Variants in SI observed in about 807,000 individuals in gnomAD.
The protein encoded by SI is sucrase-isomaltase, also known as sucrase-isomaltase, intestinal.
In SI, 235 loss-of-function variants were observed where a neutral mutation model predicts 253.3. That is an observed-to-expected ratio of 0.93 (90% CI 0.83 to 1.03). The LOEUF (loss-of-function observed/expected upper bound fraction) is 1.03. Ranked by LOEUF, SI falls within the 50% of genes least tolerant of loss-of-function variation. The pLI is 0.00. For missense variants in SI, 2,442 were observed against 2,211.1 expected, an observed-to-expected ratio of 1.10 and a Z score of -2.09; for synonymous variants, 819 against 712.0, an observed-to-expected ratio of 1.15 and a Z score of -2.39.
chr3:165,003,698 T>G (rs1718364079), intron 37 of SI, among the ~76,000 whole-genome samples: 1 of 152,098 alleles, frequency 6.6e-6, no homozygotes, highest in African/African-American at 2.4e-5. Context: ...TCATTAGAAC[T>G]GCCTGGAAAG....
the SI span, among the ~76,000 whole-genome samples, chr3:165,087,455 C>A: frequency 1.1e-4 from 16 of 152,134 alleles, no homozygotes; most frequent in Non-Finnish European, 2.2e-4. Context: ...CAAGGGTCAG[C>A]AGATATCCAG....
At chr3:165,068,185 C>T (rs1381230872) in intron 5 of SI, among the ~76,000 whole-genome samples, 2 of 151,940 alleles carry the variant, frequency 1.3e-5, no homozygotes, top group African/African-American at 4.8e-5. Context: ...TTCTGCATAG[C>T]CTGTAGTTTA....
In SI at chr3:165,063,452, G is replaced by T; in HGVS notation, c.897C>A (p.Ser299Arg). The change falls in exon 8 of 48, where the codon AGC becomes AGA. Residue 299 changes from serine to arginine, a missense_variant. Coordinates refer to ENST00000264382, the MANE Select transcript of SI (RefSeq NM_001041.4). ...ATGAATTATTCTTACCCATTGCATT[G>T]CTATTCATTAAAAAAACACCGAATG... ...GKSFGVFLMN[S>R]NAMEIFIQPT... is the part of the protein sequence containing the mutation. The T allele has an allele frequency of 7.0e-7, 1 of 1,429,332 alleles. No individual in the cohort carries two copies. Among genetic ancestry groups the T allele is most frequent in the Non-Finnish European group, 9.8e-7 (1 of 1,015,252 alleles). 88.5% of individuals were successfully genotyped at this position (1,429,332 alleles called of 1,614,324 possible).
In SI at chr3:165,075,980, G is replaced by C. The variant is rs2108117951; in HGVS notation, c.33C>G (p.Ile11Met). 1 of 1,591,904 alleles carries C rather than the reference G, an allele frequency of 6.3e-7. No individual in the cohort carries two copies. Among genetic ancestry groups the C allele is most frequent in the Non-Finnish European group, 8.6e-7 (1 of 1,164,562 alleles). ...CTATGACAAAAAGGACAATCAGAGAGATTTCCAATCCACTAAATTTCTTTC... is the reference window on the plus strand; with the variant it reads ...CTATGACAAAAAGGACAATCAGAGACATTTCCAATCCACTAAATTTCTTTC... MARKKFSGLE[I>M]SLIVLFVIVT... Residue 11 changes from isoleucine to methionine, a missense_variant, in exon 2 of 48, where the codon ATC becomes ATG. By Grantham distance (10) the Ile-to-Met change is conservative (BLOSUM62 1). Coordinates refer to ENST00000264382, the MANE Select transcript of SI (RefSeq NM_001041.4).
At chr3:165,019,014 A>AT (rs943540804) in intron 28 of SI, among the ~76,000 whole-genome samples, 1 of 151,782 alleles carries the variant, frequency 6.6e-6, no homozygotes, top group Non-Finnish European at 1.5e-5. Flanking sequence ...ATTAAAATAT[A>AT]TTTTTTATGA....
intron 16 of SI, among the ~76,000 whole-genome samples, chr3:165,044,925 G>T (rs1190090154): frequency 6.6e-6 from 1 of 151,950 alleles, no homozygotes; most frequent in Non-Finnish European, 1.5e-5. Flanking sequence ...TGTTTATTGT[G>T]CATGGTGTGA....
intron 26 of SI, among the ~76,000 whole-genome samples, chr3:165,022,309 A>G (rs1711665373): frequency 6.6e-6 from 1 of 151,474 alleles, no homozygotes; most frequent in Non-Finnish European, 1.5e-5. Context: ...ACGCCTTTTT[A>G]TCTGTGGCTT....
At chr3:165,072,408 A>G (rs1714641836) in intron 3 of SI, among the ~76,000 whole-genome samples, 1 of 151,966 alleles carries the variant, frequency 6.6e-6, no homozygotes, top group African/African-American at 2.4e-5. Flanking sequence ...ATACATAGCT[A>G]TAAATAACAA....
intron 23 of SI, 69 bp from the exon 24 acceptor site, chr3:165,032,761 A>C: frequency 9.7e-7 from 1 of 1,034,794 alleles, no homozygotes; most frequent in South Asian, 1.4e-5. Context: ...CAATACCGAT[A>C]AGAAATAGCA....
intron 25 of SI, among the ~76,000 whole-genome samples, chr3:165,029,700 G>A (rs146021709): frequency 6.7e-6 from 1 of 148,294 alleles, no homozygotes; most frequent in Admixed American, 6.8e-5. Flanking sequence ...ATGTTTAGAA[G>A]ATATTTATTC....
intron 15 of SI, among the ~76,000 whole-genome samples, chr3:165,048,007 A>G (rs1386465670): frequency 2.0e-5 from 3 of 152,074 alleles, no homozygotes; most frequent in African/African-American, 7.2e-5. Context: ...ATATTGAAAC[A>G]TAGCCTGTTT....
chr3:164,998,696 T>C (rs1002417618), intron 37 of SI, 23 bp from the exon 38 acceptor site: 3 of 1,602,810 alleles, frequency 1.9e-6, no homozygotes, highest in South Asian at 2.2e-5. Flanking sequence ...AGAAGTATTT[T>C]TGAGTTTTTA....
At chr3:164,989,373 G>GA (rs1338281069) in intron 44 of SI, among the ~76,000 whole-genome samples, 2 of 120,610 alleles carry the variant, frequency 1.7e-5, no homozygotes, top group African/African-American at 6.8e-5. Context: ...AGAAAGAAAG[G>GA]AAGAAAGAAA....
intron 3 of SI, among the ~76,000 whole-genome samples, chr3:165,072,429 A>T (rs968303651): frequency 2.0e-5 from 3 of 151,904 alleles, no homozygotes; most frequent in African/African-American, 7.2e-5. Context: ...CAACAACAAC[A>T]AAAAACCCTG....
At chr3:165,084,009 C>T in the SI span, among the ~76,000 whole-genome samples, 1 of 151,952 alleles carries the variant, frequency 6.6e-6, no homozygotes, top group Non-Finnish European at 1.5e-5. Flanking sequence ...TGAAGGTTTA[C>T]ATCCCCTCCA....
In SI at chr3:164,994,245, C is replaced by G. The variant is rs1342726134; in HGVS notation, c.4841+12G>C. On this transcript the variant is annotated intron_variant, in intron 41 of 47. Coordinates refer to ENST00000264382, the MANE Select transcript of SI (RefSeq NM_001041.4). Reference sequence around the variant, plus strand: ...TCTCTCTGTGATAAGAGAAAACAAACTTTGTACTTACTCATGCAAAAGGGG... The same window carrying G: ...TCTCTCTGTGATAAGAGAAAACAAAGTTTGTACTTACTCATGCAAAAGGGG... 2.5e-6 allele frequency: 4 copies of G among 1,608,544 alleles called. No individual in the cohort carries two copies. The highest frequency in any genetic ancestry group is 3.4e-6 in the Non-Finnish European group (4 of 1,176,338).
rs765800369 is a variant in SI, at chr3:165,062,409, C to T, written c.982G>A (p.Gly328Arg). The T allele has an allele frequency of 2.5e-6, 4 of 1,600,930 alleles. No individual in the cohort carries two copies. The South Asian group carries it at 3.3e-5, about 13-fold the overall frequency. The change falls in exon 9 of 48, where the codon GGA becomes AGA. Residue 328 changes from glycine (G) to arginine (R), a missense_variant. Physicochemically the swap from Gly to Arg is moderately radical, Grantham distance 125. Coordinates refer to ENST00000264382, the MANE Select transcript of SI (RefSeq NM_001041.4). ...TGAACTACTTGTTCTGGTGTATCTCCTAGAAGGATGTAAAAATCCAGAATG... is the reference window on the plus strand; with the variant it reads ...TGAACTACTTGTTCTGGTGTATCTCTTAGAAGGATGTAAAAATCCAGAATG... ...GGILDFYILL[G>R]DTPEQVVQQY...
rs765331066 is a variant in SI at position 165,075,979 on chromosome 3, A to G, written c.34T>C (p.Ser12Pro). Residue 12 changes from serine to proline, a missense_variant, in exon 2 of 48, where the codon TCT becomes CCT. Coordinates refer to ENST00000264382, the MANE Select transcript of SI (RefSeq NM_001041.4). ...ARKKFSGLEI[S>P]LIVLFVIVTI... ...ACTATGACAAAAAGGACAATCAGAG[A>G]GATTTCCAATCCACTAAATTTCTTT... The G allele has an allele frequency of 6.3e-7, 1 of 1,593,768 alleles. No homozygotes were observed. Among genetic ancestry groups the G allele is most frequent in the East Asian group, 2.2e-5 (1 of 44,494 alleles).
intron 37 of SI, among the ~76,000 whole-genome samples, chr3:165,004,494 A>G (rs1718408175): frequency 6.6e-6 from 1 of 152,114 alleles, no homozygotes; most frequent in Non-Finnish European, 1.5e-5. Flanking sequence ...CTGCCCTCCC[A>G]TGTTTATTGC....
Sources: allele counts gnomAD v4.1 joint callset (sites outside exome capture counted in the v4.1 genomes callset), GRCh38; gene constraint gnomAD v4.1.1; transcripts MANE v1.5; gene names NCBI Gene and HGNC (gene_info 2026-07-23, HGNC 2026-07-21).